The following LTBP1 variants were observed in gnomAD, a reference collection of about 807,000 sequenced individuals.
The protein encoded by LTBP1 is latent-transforming growth factor beta-binding protein 1.
A neutral mutation model predicts 207.6 loss-of-function variants in LTBP1; 129 were observed. The ratio of observed to expected loss-of-function variants is 0.62; its 90% confidence interval spans 0.54 to 0.72. LTBP1 has a LOEUF of 0.72. Among genes scored for constraint, LTBP1 ranks in the 30% least tolerant of loss-of-function variants. The probability of loss-of-function intolerance (pLI) is 0.00; values close to 1 mark genes in which losing one functional copy is unlikely to be tolerated. For missense variants in LTBP1, 2,281 were observed against 2,217.2 expected (o/e 1.03, Z -0.58); for synonymous variants, 963 against 833.7 (o/e 1.16, Z -2.67).
At chr2:33,123,764 T>C (rs1388587533) in intron 4 of LTBP1, among the ~76,000 whole-genome samples, 1 of 152,220 alleles carries the variant, frequency 6.6e-6, no homozygotes, top group Non-Finnish European at 1.5e-5. Context: ...TCCTCATCTA[T>C]TTAGCACTTT....
At chr2:33,277,660 G>A (rs2093454642) in intron 18 of LTBP1, among the ~76,000 whole-genome samples, 1 of 151,574 alleles carries the variant, frequency 6.6e-6, no homozygotes, top group African/African-American at 2.4e-5. Context: ...TAGTTGCGGG[G>A]AGTGCTTTAA....
chr2:33,295,973 G>A (rs2093867365), intron 20 of LTBP1, among the ~76,000 whole-genome samples: 1 of 152,080 alleles, frequency 6.6e-6, no homozygotes, highest in Non-Finnish European at 1.5e-5. Flanking sequence ...AACATCTAAC[G>A]TGGGCACACC....
intron 3 of LTBP1, chr2:33,061,570 T>G (rs2077272618): frequency 6.6e-6 from 1 of 152,206 alleles, no homozygotes; most frequent in Non-Finnish European, 1.5e-5. Flanking sequence ...ATGTGTACCC[T>G]TTTGTAGAAG....
intron 10 of LTBP1, among the ~76,000 whole-genome samples, chr2:33,251,770 G>A (rs765092772): frequency 2.0e-5 from 3 of 152,046 alleles, no homozygotes; most frequent in Admixed American, 6.5e-5. Context: ...GCTTTGGTTG[G>A]GTTTGGGGAA....
intron 3 of LTBP1, among the ~76,000 whole-genome samples, chr2:33,033,895 A>G (rs184821069): frequency 5.1e-4 from 77 of 152,292 alleles, no homozygotes; most frequent in African/African-American, 1.8e-3. Context: ...AGAAGCCTTT[A>G]AAGTTGTATT....
chr2:33,331,924 C>T (rs1279753008), intron 24 of LTBP1, among the ~76,000 whole-genome samples: 6 of 151,918 alleles, frequency 3.9e-5, no homozygotes, highest in Admixed American at 6.6e-5. Flanking sequence ...CAGTGACCTC[C>T]TAACTTAAAT....
At chr2:33,371,282 G>A (rs1393454710) in intron 31 of LTBP1, among the ~76,000 whole-genome samples, 2 of 152,114 alleles carry the variant, frequency 1.3e-5, no homozygotes, top group Admixed American at 6.5e-5. Context: ...TCAGACTTCT[G>A]GAGGCCTTCC....
chr2:33,313,339 C>T (rs960235399), intron 23 of LTBP1, among the ~76,000 whole-genome samples: 6 of 152,142 alleles, frequency 3.9e-5, no homozygotes, highest in Admixed American at 1.3e-4. Flanking sequence ...TAAAGGAAGA[C>T]GTTTAAACCA....
intron 3 of LTBP1, among the ~76,000 whole-genome samples, chr2:33,102,721 A>G (rs1477339737): frequency 6.6e-6 from 1 of 152,002 alleles, no homozygotes; most frequent in Non-Finnish European, 1.5e-5. Flanking sequence ...CATATTCTTT[A>G]CTGGCAGTCT....
At chr2:33,309,679 G>A (rs1573760545) in intron 23 of LTBP1, 123 bp downstream of exon 23, 2 of 1,182,804 alleles carry the variant, frequency 1.7e-6, no homozygotes, top group Non-Finnish European at 2.4e-6. Flanking sequence ...GTCAATTTTT[G>A]ATATTAAAAT....
chr2:33,194,143 C>T (rs200364409), intron 7 of LTBP1, among the ~76,000 whole-genome samples: 18 of 152,170 alleles, frequency 1.2e-4, no homozygotes, highest in African/African-American at 3.6e-4. Flanking sequence ...CCCGCCACCA[C>T]GCCCGGGTAA....
chr2:33,161,262 CTTT>C (rs531382337), intron 5 of LTBP1, among the ~76,000 whole-genome samples: 3 of 135,404 alleles, frequency 2.2e-5, no homozygotes, highest in Non-Finnish European at 3.2e-5. Flanking sequence ...TTTTTTTTTC[CTTT>C]TTTTTTTTTT....
intron 3 of LTBP1, among the ~76,000 whole-genome samples, chr2:33,023,139 TAAAAAC>T (rs1300408069): frequency 2.6e-5 from 4 of 152,170 alleles, no homozygotes; most frequent in Non-Finnish European, 5.9e-5. Context: ...TTTTGGATAT[TAAAAAC>T]AAAAAACAAT....
intron 2 of LTBP1, among the ~76,000 whole-genome samples, chr2:33,008,408 C>G (rs914060381): frequency 6.6e-6 from 1 of 152,062 alleles, no homozygotes; most frequent in Non-Finnish European, 1.5e-5. Flanking sequence ...ATTAACATTT[C>G]TTTTTTAAAA....
chr2:33,059,575 G>C (rs918483962), intron 3 of LTBP1, among the ~76,000 whole-genome samples: 4 of 152,244 alleles, frequency 2.6e-5, no homozygotes, highest in African/African-American at 9.6e-5. Context: ...GACGCTCTCA[G>C]TGTTAGCCTT....
At chr2:33,050,834 A>G (rs1263277134) in intron 3 of LTBP1, among the ~76,000 whole-genome samples, 1 of 151,874 alleles carries the variant, frequency 6.6e-6, no homozygotes, top group East Asian at 1.9e-4. Flanking sequence ...CCCGGGTTCA[A>G]GCGATTCTCC....
At chr2:33,282,429 C>G (rs1015380156) in intron 19 of LTBP1, among the ~76,000 whole-genome samples, 34 of 152,126 alleles carry the variant, frequency 2.2e-4, no homozygotes, top group African/African-American at 8.2e-4. Context: ...GCAGGTTATA[C>G]TGAAATAGAT....
At chr2:32,980,356 A>C (rs1182665713) in intron 2 of LTBP1, among the ~76,000 whole-genome samples, 4 of 152,132 alleles carry the variant, frequency 2.6e-5, no homozygotes, top group African/African-American at 9.6e-5. Context: ...TGAGGCTTGC[A>C]GATACTGTCT....
At chr2:33,242,776 A>G (rs2092378776) in intron 9 of LTBP1, among the ~76,000 whole-genome samples, 1 of 151,660 alleles carries the variant, frequency 6.6e-6, no homozygotes, top group Non-Finnish European at 1.5e-5. Context: ...TCATACTTGC[A>G]TGACCCCTTC....
Sources: allele counts gnomAD v4.1 joint callset (sites outside exome capture counted in the v4.1 genomes callset), GRCh38; gene constraint gnomAD v4.1.1; transcripts MANE v1.5; gene names NCBI Gene and HGNC (gene_info 2026-07-23, HGNC 2026-07-21).